ATXN3: variants seen among roughly 807,000 people sequenced by gnomAD.
ATXN3 encodes the protein ataxin-3.
ATXN3 carries 28 observed loss-of-function variants against 58.2 expected under a neutral mutation model. That is an observed-to-expected ratio of 0.48 (90% CI 0.36 to 0.66). The LOEUF (loss-of-function observed/expected upper bound fraction) is 0.66. ATXN3 is among the 30% of genes least tolerant of loss of function. The pLI, the probability that ATXN3 is intolerant of heterozygous loss-of-function variation, is 0.00. For synonymous variants in ATXN3, 113 were observed against 138.5 expected (o/e 0.82, Z 1.29); for missense variants, 321 against 422.1 (o/e 0.76, Z 2.10).
At chr14:92,076,939 C>CAAAAAAAG (rs2060504831) in intron 9 of ATXN3, among the ~76,000 whole-genome samples, 1 of 59,832 alleles carries the variant, frequency 1.7e-5, no homozygotes, top group African/African-American at 6.3e-5. Flanking sequence ...GATTTCGTCT[C>CAAAAAAAG]AAAAAAAAAA....
At chr14:92,100,985 A>C (rs2066638410) in intron 1 of ATXN3, among the ~76,000 whole-genome samples, 1 of 152,210 alleles carries the variant, frequency 6.6e-6, no homozygotes, top group Non-Finnish European at 1.5e-5. Context: ...AATACCATAT[A>C]TAGCAATAGT....
chr14:92,083,471 T>G, intron 6 of ATXN3: 1 of 664,210 alleles, frequency 1.5e-6, no homozygotes, highest in East Asian at 3.0e-5. Flanking sequence ...ACTTTCTCCA[T>G]TGTAAGACTG....
At chr14:92,084,549 A>G (rs933517009) in intron 6 of ATXN3, among the ~76,000 whole-genome samples, 17 of 151,436 alleles carry the variant, frequency 1.1e-4, no homozygotes, top group African/African-American at 4.1e-4. Flanking sequence ...AAACAATCTA[A>G]CTGATTTAAG....
At chr14:92,089,022 T>C in intron 5 of ATXN3, among the ~76,000 whole-genome samples, 1 of 140,894 alleles carries the variant, frequency 7.1e-6, no homozygotes, top group Non-Finnish European at 1.5e-5. Context: ...TATTAAATAC[T>C]TTTTTTTTTT....
intron 9 of ATXN3, among the ~76,000 whole-genome samples, chr14:92,072,091 T>C (rs889178883): frequency 6.6e-6 from 1 of 152,248 alleles, no homozygotes. Flanking sequence ...TATCAGATTT[T>C]AAGTAATACT....
At chr14:92,055,790 G>A (rs557490821), downstream of ATXN3, among the ~76,000 whole-genome samples, 2 of 152,094 alleles carry the variant, frequency 1.3e-5, no homozygotes, top group Non-Finnish European at 2.9e-5. This position sits in a 1 kb window ranked among gnomAD's most constrained non-coding sequence, Gnocchi z 4.5. Flanking sequence ...GCAAAACTGC[G>A]TCTCTACTAA....
intron 8 of ATXN3, among the ~76,000 whole-genome samples, chr14:92,081,465 C>CAAAAAAAAAAAAAAA (rs58398762): frequency 3.6e-5 from 3 of 82,972 alleles, no homozygotes; most frequent in Non-Finnish European, 5.0e-5. Context: ...GACTCTGACT[C>CAAAAAAAAAAAAAAA]AAAAAAAAAA....
intron 6 of ATXN3, 30 bp from the exon 7 acceptor site, chr14:92,083,288 C>T: frequency 6.3e-7 from 1 of 1,581,360 alleles, no homozygotes; most frequent in African/African-American, 1.4e-5. Context: ...ATCAACCTAA[C>T]CAGTTAGTAA....
In ATXN3 at chr14:92,098,564, G is replaced by T. The variant is rs55849366; in HGVS notation, c.25-1726C>A. Among the ~76,000 whole-genome samples, 925 of 152,036 alleles carry T rather than the reference G, an allele frequency of 6.1e-3. 13 individuals are homozygous for T. The highest frequency in any genetic ancestry group is 0.021 in the African/African-American group (853 of 41,450). On this transcript the variant is annotated intron_variant, in intron 1 of 10. Coordinates refer to ENST00000644486, the MANE Select transcript of ATXN3 (RefSeq NM_004993.6). ...ACCATGCCACTGCCACTCCAGTCTG[G>T]GTAACAGAGCAAGACTCTGTCTCCA...
rs989800866 is a variant in ATXN3 at position 92,070,693 on chromosome 14, G to A, written c.991+242C>T. The A allele has an allele frequency of 4.7e-4, 490 of 1,050,182 alleles. 3 individuals are homozygous for A. The highest frequency in any genetic ancestry group is 6.3e-4 in the Middle Eastern group (2 of 3,166). 65.1% of individuals were successfully genotyped at this position (1,050,182 alleles called of 1,614,324 possible). On this transcript the variant is annotated intron_variant, in intron 10 of 10. Transcript: ENST00000644486. ...TTAAATGTTCTAGCAATCCTCTCCT[G>A]CCTTGGTTTCCCAAAGTGCTGGGAT...
intron 8 of ATXN3, among the ~76,000 whole-genome samples, chr14:92,081,465 CAAAAAAAAAAAAAAAAAA>C (rs58398762): frequency 2.4e-5 from 2 of 82,978 alleles, no homozygotes; most frequent in Non-Finnish European, 5.0e-5. Context: ...GACTCTGACT[CAAAAAAAAAAAAAAAAAA>C]AAAGAAAGAA....
At chr14:92,058,152 C>G (rs2057499296), downstream of ATXN3, among the ~76,000 whole-genome samples, 1 of 152,172 alleles carries the variant, frequency 6.6e-6, no homozygotes, top group Non-Finnish European at 1.5e-5. Flanking sequence ...CTGTGCTGGC[C>G]TGCGTTATTC....
intron 1 of ATXN3, among the ~76,000 whole-genome samples, chr14:92,097,556 T>C (rs1285215948): frequency 6.6e-6 from 1 of 150,928 alleles, no homozygotes; most frequent in Non-Finnish European, 1.5e-5. Flanking sequence ...GATGGAGTCT[T>C]GCTCTGTCAC....
chr14:92,074,952 C>G (rs2060081405), intron 9 of ATXN3, among the ~76,000 whole-genome samples: 1 of 152,150 alleles, frequency 6.6e-6, no homozygotes. Flanking sequence ...GAATACTTTA[C>G]AGTTTATAAA....
chr14:92,053,018 G>A (rs1477048615), upstream of ATXN3, among the ~76,000 whole-genome samples: 1 of 152,220 alleles, frequency 6.6e-6, no homozygotes. Context: ...TTGGGAGGCC[G>A]AGGCAGGCAG....
chr14:92,075,471 C>T (rs1218064860), intron 9 of ATXN3, among the ~76,000 whole-genome samples: 1 of 152,096 alleles, frequency 6.6e-6, no homozygotes, highest in Non-Finnish European at 1.5e-5. Context: ...CCAGCCAAAA[C>T]TAGTTTTTTT....
At chr14:92,085,607 A>G (rs1429127419) in intron 6 of ATXN3, among the ~76,000 whole-genome samples, 1 of 152,192 alleles carries the variant, frequency 6.6e-6, no homozygotes, top group African/African-American at 2.4e-5. Flanking sequence ...TGTCGGTATA[A>G]TATATAGGAA....
intron 6 of ATXN3, among the ~76,000 whole-genome samples, chr14:92,088,517 A>C (rs541174896): frequency 1.2e-4 from 18 of 152,324 alleles, no homozygotes; most frequent in African/African-American, 3.4e-4. Flanking sequence ...AGGGCTGCAA[A>C]GAAAGCAGCA....
chr14:92,047,553 G>C (rs1328177133), intron 2 of ATXN3, among the ~76,000 whole-genome samples: 1 of 152,060 alleles, frequency 6.6e-6, no homozygotes, highest in Non-Finnish European at 1.5e-5. Flanking sequence ...CCATACTTGT[G>C]GGTTAAGGTT....
Sources: gnomAD v4.1 joint callset for allele counts (sites outside exome capture counted in the v4.1 genomes callset) on GRCh38, gnomAD v4.1.1 for gene constraint, Gnocchi (gnomAD v3.1) non-coding constraint, MANE v1.5 for transcripts, NCBI Gene and HGNC (gene_info 2026-07-23, HGNC 2026-07-21) for gene names.